The following SYT11 variants were observed in gnomAD, a reference collection of about 807,000 sequenced individuals.
SYT11 encodes the protein synaptotagmin-11.
SYT11 carries 12 observed loss-of-function variants against 30.4 expected under a neutral mutation model. The observed-to-expected ratio is 0.39, with a 90% CI of 0.25 to 0.64. The LOEUF (loss-of-function observed/expected upper bound fraction) is 0.64. Among genes scored for constraint, SYT11 ranks in the 30% least tolerant of loss-of-function variants. The pLI is 0.45. For missense variants in SYT11, 412 were observed against 552.0 expected, an observed-to-expected ratio of 0.75 and a Z score of 2.54; for synonymous variants, 204 against 216.0, an observed-to-expected ratio of 0.94 and a Z score of 0.49.
At chr1:155,880,460 C>A in intron 2 of SYT11, 40 bp from the exon 3 acceptor site, 13 of 1,610,638 alleles carry the variant, frequency 8.1e-6, no homozygotes, top group African/African-American at 4.0e-5. Context: ...CTGCCCTGCA[C>A]CCTCTGCCAG....
rs373334843 is a variant in SYT11 at position 155,881,535 on chromosome 1, G to A, written c.*27G>A. 446 of 1,556,594 alleles carry A rather than the reference G, an allele frequency of 2.9e-4. No individual in the cohort carries two copies. The highest frequency in any genetic ancestry group is 3.6e-4 in the Non-Finnish European group (408 of 1,145,532). On this transcript the variant is annotated 3_prime_UTR_variant, in exon 4 of 4. Coordinates refer to ENST00000368324, the MANE Select transcript of SYT11 (RefSeq NM_152280.5). ...CCTGTTCTTCTCTCCTCTAATCCCC[G>A]GGGGCCAAGCTGGGGAGGGATGTGG...
intron 1 of SYT11, 76 bp downstream of exon 1, chr1:155,859,871 G>A: frequency 1.4e-6 from 2 of 1,404,886 alleles, no homozygotes; most frequent in Non-Finnish European, 2.0e-6. Flanking sequence ...CGGCAGGGCA[G>A]AGAATGCAGC....
chr1:155,868,674 C>G lies in SYT11; in HGVS notation c.744C>G (p.Ser248Arg), dbSNP rs1165028817. 2.5e-6 allele frequency: 4 copies of G among 1,614,216 alleles called. No individual in the cohort carries two copies. The highest frequency in any genetic ancestry group is 3.4e-6 in the Non-Finnish European group (4 of 1,180,034). ...TGGTGCTGCACTTCCTTGTCCTCAG[C>G]TTTGACCGCTTCTCTCGGGATGATG... ...QDLVLHFLVL[S>R]FDRFSRDDVI... Residue 248 changes from serine to arginine, a missense_variant, in exon 2 of 4, where the codon AGC (serine) becomes AGG (arginine). Physicochemically the swap from Ser to Arg is moderately radical, Grantham distance 110. Coordinates refer to ENST00000368324, the MANE Select transcript of SYT11 (RefSeq NM_152280.5). The surrounding 1 kb of genome is among the most constrained non-coding windows in gnomAD (Gnocchi z 4.7).
intron 3 of SYT11, 90 bp downstream of exon 3, chr1:155,880,713 C>T: frequency 1.3e-6 from 2 of 1,486,930 alleles, no homozygotes; most frequent in Non-Finnish European, 1.8e-6. Context: ...CTTCAAGATC[C>T]TTGCCTCTTT....
intron 2 of SYT11, among the ~76,000 whole-genome samples, chr1:155,873,091 T>C (rs1672804282): frequency 6.6e-6 from 1 of 152,186 alleles, no homozygotes; most frequent in African/African-American, 2.4e-5. Context: ...TAAGCTATAA[T>C]CTTGTCATTC....
intron 1 of SYT11, among the ~76,000 whole-genome samples, chr1:155,867,185 G>A (rs1016655626): frequency 4.6e-5 from 7 of 151,924 alleles, no homozygotes; most frequent in Non-Finnish European, 8.8e-5. Flanking sequence ...AGCCTCCCAA[G>A]TAGCTGGGAT....
At position 155,860,093 on chromosome 1, in the gene SYT11, C is replaced by T. The variant is rs1431311161; in HGVS notation, c.34+298C>T. Among the ~76,000 whole-genome samples the T allele has an allele frequency of 3.3e-5, 5 of 152,228 alleles. No individual in the cohort carries two copies. The highest frequency in any genetic ancestry group is 9.6e-5 in the African/African-American group (4 of 41,466). On this transcript the variant is annotated intron_variant, in intron 1 of 3. Transcript: ENST00000368324. This position sits in a 1 kb window ranked among gnomAD's most constrained non-coding sequence, Gnocchi z 4.1. ...CTGGAGGTGAGAAACAGCAAGCGTG[C>T]GGAGGATGTGAACCCCTCCTTCTGG...
rs540648234 is a variant in SYT11, at chr1:155,866,347, C to T, written c.35-1618C>T. Among the ~76,000 whole-genome samples the T allele has an allele frequency of 3.9e-5, 6 of 152,228 alleles. No homozygotes were observed. In the South Asian group the frequency reaches 1.0e-3, roughly 26 times the overall value. Reference sequence around the variant, plus strand: ...GGCCAGGCTGGTTTTGAACTCCTGACCTCAGGTAATCTGCCTGCCTCAGCC... The same window carrying T: ...GGCCAGGCTGGTTTTGAACTCCTGATCTCAGGTAATCTGCCTGCCTCAGCC... On this transcript the variant is annotated intron_variant, in intron 1 of 3. Transcript: ENST00000368324.
chr1:155,875,008 A>G (rs1321534460), intron 2 of SYT11, among the ~76,000 whole-genome samples: 1 of 150,092 alleles, frequency 6.7e-6, no homozygotes, highest in African/African-American at 2.4e-5. Context: ...TAATCCCCGC[A>G]CTTTGGGAGG....
chr1:155,865,518 C>T (rs934580411), intron 1 of SYT11, among the ~76,000 whole-genome samples: 7 of 151,798 alleles, frequency 4.6e-5, no homozygotes, highest in Non-Finnish European at 1.0e-4. Flanking sequence ...ATCCCAGCTA[C>T]TCGGGAGGCT....
At chr1:155,869,263 C>CTT (rs767071892) in intron 2 of SYT11, among the ~76,000 whole-genome samples, 3,211 of 83,858 alleles carry the variant, frequency 0.038, 397 homozygotes, top group Middle Eastern at 0.065. Flanking sequence ...ATGTACATGT[C>CTT]TTTTTTTTTT....
chr1:155,881,116 C>A, intron 3 of SYT11, 82 bp from the exon 4 acceptor site: 3 of 1,441,376 alleles, frequency 2.1e-6, no homozygotes, highest in Non-Finnish European at 2.8e-6. Flanking sequence ...CCCCCCCTTT[C>A]CCAACATGAA....
At chr1:155,869,500 A>G (rs1283707736) in intron 2 of SYT11, among the ~76,000 whole-genome samples, 7 of 151,814 alleles carry the variant, frequency 4.6e-5, no homozygotes, top group South Asian at 4.2e-4. Flanking sequence ...TTGAACTTCT[A>G]TCCTCAGGTG....
chr1:155,876,341 G>C (rs1672860922), intron 2 of SYT11, among the ~76,000 whole-genome samples: 1 of 142,922 alleles, frequency 7.0e-6, no homozygotes, highest in African/African-American at 2.6e-5. Context: ...CGCCTCCCAG[G>C]TTCACGCCAT....
Position 155,860,761 on chromosome 1 carries a change from A to G in SYT11, c.34+966A>G, listed in dbSNP as rs1672566463. On this transcript the variant is annotated intron_variant, in intron 1 of 3. Transcript: ENST00000368324. The surrounding 1 kb of genome is among the most constrained non-coding windows in gnomAD (Gnocchi z 4.1). ...TCTGGAGCAGAAAGTGGAGTGGAAA[A>G]TAGGGAAGAAGGTGGCAAAGACAAG... is the stretch of plus-strand genomic sequence containing the variant. Among the ~76,000 whole-genome samples the G allele has an allele frequency of 6.6e-6, 1 of 152,246 alleles. No individual in the cohort carries two copies. The highest frequency in any genetic ancestry group is 2.4e-5 in the African/African-American group (1 of 41,468).
chr1:155,877,544 G>A (rs1014691133), intron 2 of SYT11, among the ~76,000 whole-genome samples: 6 of 147,310 alleles, frequency 4.1e-5, no homozygotes, highest in African/African-American at 1.5e-4. Context: ...ACGCCACTGC[G>A]CCCAGCTAAT....
Position 155,882,043 on chromosome 1 carries a change from GT to G in SYT11, c.*547del, listed in dbSNP as rs370277826. 8.9e-4 allele frequency: 124 copies of G among 139,330 alleles called. No individual in the cohort carries two copies. Among genetic ancestry groups the G allele is most frequent in the South Asian group, 3.0e-3 (13 of 4,378 alleles). The allele number at this position is 139,330 out of a possible 1,614,324, so 8.6% of individuals were successfully genotyped here. ...CGTGCCCGGCCTCTGGTTTTGTTTT[GT>G]TTTTTTTTTTTAATGGGGGACAAAA... is the stretch of plus-strand genomic sequence containing the variant. On this transcript the variant is annotated 3_prime_UTR_variant, in exon 4 of 4. Transcript: ENST00000368324.
At chr1:155,880,883 C>A (rs1182831366) in intron 3 of SYT11, among the ~76,000 whole-genome samples, 1 of 152,180 alleles carries the variant, frequency 6.6e-6, no homozygotes, top group African/African-American at 2.4e-5. Flanking sequence ...CTAAGAGAGA[C>A]TTCTCAAAAA....
Position 155,868,177 on chromosome 1 carries a change from G to C in SYT11, c.247G>C (p.Asp83His). The C allele has an allele frequency of 6.2e-7, 1 of 1,614,170 alleles. No individual in the cohort carries two copies. Among genetic ancestry groups the C allele is most frequent in the African/African-American group, 1.3e-5 (1 of 75,036 alleles). ...KKIIKVRRDK[D>H]GPGREGGRRN... Reference sequence around the variant, plus strand: ...AATCATCAAAGTGCGGAGAGACAAAGATGGTCCTGGGAGGGAAGGTGGACG... The same window carrying C: ...AATCATCAAAGTGCGGAGAGACAAACATGGTCCTGGGAGGGAAGGTGGACG... The change falls in exon 2 of 4, where the codon GAT (aspartate) becomes CAT (histidine). Residue 83 changes from aspartate (D) to histidine (H), a missense_variant. Transcript: ENST00000368324. The surrounding 1 kb of genome is among the most constrained non-coding windows in gnomAD (Gnocchi z 4.7).
Sources: gnomAD v4.1 joint callset for allele counts (sites outside exome capture counted in the v4.1 genomes callset) on GRCh38, gnomAD v4.1.1 for gene constraint, Gnocchi (gnomAD v3.1) non-coding constraint, MANE v1.5 for transcripts, NCBI Gene and HGNC (gene_info 2026-07-23, HGNC 2026-07-21) for gene names.